DPP6: variants seen among roughly 807,000 people sequenced by gnomAD.
The protein encoded by DPP6 is A-type potassium channel modulatory protein DPP6.
DPP6 carries 69 observed loss-of-function variants against 122.6 expected under a neutral mutation model. That is an observed-to-expected ratio of 0.56 (90% CI 0.46 to 0.69). The LOEUF (loss-of-function observed/expected upper bound fraction) is 0.69, where lower values mean the gene tolerates loss of function less well. Among genes scored for constraint, DPP6 ranks in the 30% least tolerant of loss-of-function variants. DPP6 has a pLI of 0.00. For synonymous variants in DPP6, 418 were observed against 433.1 expected, an observed-to-expected ratio of 0.97 and a Z score of 0.43; for missense variants, 928 against 1,116.9, an observed-to-expected ratio of 0.83 and a Z score of 2.41.
intron 1 of DPP6, among the ~76,000 whole-genome samples, chr7:154,141,501 T>A (rs1389955182): frequency 1.3e-5 from 2 of 152,206 alleles, no homozygotes; most frequent in Admixed American, 6.5e-5. Context: ...GCTCAGTACA[T>A]ACCATTTGAA....
intron 1 of DPP6, among the ~76,000 whole-genome samples, chr7:154,098,380 G>T (rs1805485342): frequency 6.6e-6 from 1 of 152,266 alleles, no homozygotes; most frequent in South Asian, 2.1e-4. Flanking sequence ...CCCAGTATTA[G>T]GTATGTCTTT....
At chr7:154,080,289 G>A (rs1803893708) in intron 1 of DPP6, among the ~76,000 whole-genome samples, 1 of 152,044 alleles carries the variant, frequency 6.6e-6, no homozygotes, top group Non-Finnish European at 1.5e-5. Flanking sequence ...CTGCTCCCAG[G>A]TTCCTACTTA....
intron 18 of DPP6, among the ~76,000 whole-genome samples, chr7:154,869,429 G>C (rs1222729222): frequency 6.6e-6 from 1 of 152,274 alleles, no homozygotes; most frequent in Non-Finnish European, 1.5e-5. Flanking sequence ...AGAAGAGCAT[G>C]AGACTGGGCT....
intron 3 of DPP6, among the ~76,000 whole-genome samples, chr7:154,531,088 C>T (rs751976033): frequency 2.0e-5 from 3 of 152,128 alleles, no homozygotes; most frequent in Non-Finnish European, 2.9e-5. Context: ...CTGCAGCAAA[C>T]CACCTTTATA....
At chr7:153,778,065 G>T in the DPP6 span, among the ~76,000 whole-genome samples, 38 of 148,988 alleles carry the variant, frequency 2.6e-4, no homozygotes, top group Non-Finnish European at 4.0e-4. Flanking sequence ...AAGGCAAAAA[G>T]AATAGAGCAA....
intron 1 of DPP6, among the ~76,000 whole-genome samples, chr7:153,960,349 A>G (rs1795282937): frequency 6.6e-6 from 1 of 152,138 alleles, no homozygotes; most frequent in African/African-American, 2.4e-5. Flanking sequence ...GCATAATTTT[A>G]TAATTCAAAG....
the DPP6 span, among the ~76,000 whole-genome samples, chr7:153,880,213 T>C: frequency 6.6e-6 from 1 of 152,184 alleles, no homozygotes; most frequent in Non-Finnish European, 1.5e-5. Flanking sequence ...GTTTAGTAAG[T>C]CTATTGCTTT....
chr7:154,353,942 A>G (rs561447011), intron 1 of DPP6, among the ~76,000 whole-genome samples: 1 of 152,194 alleles, frequency 6.6e-6, no homozygotes, highest in Admixed American at 6.5e-5. Flanking sequence ...CTTAATGTCC[A>G]AGGAGAATTC....
At chr7:153,834,144 G>A in the DPP6 span, among the ~76,000 whole-genome samples, 4 of 151,938 alleles carry the variant, frequency 2.6e-5, no homozygotes, top group East Asian at 3.9e-4. Flanking sequence ...AAACTTAGCC[G>A]GGTGTGGCAG....
chr7:154,568,600 C>T (rs536532922), intron 5 of DPP6, among the ~76,000 whole-genome samples: 20 of 152,300 alleles, frequency 1.3e-4, no homozygotes, highest in African/African-American at 4.6e-4. Context: ...GGCTTCCCAG[C>T]GCTCTGTTTG....
chr7:154,693,289 C>G (rs529006950), intron 7 of DPP6, among the ~76,000 whole-genome samples: 6 of 152,074 alleles, frequency 3.9e-5, no homozygotes, highest in African/African-American at 1.4e-4. Flanking sequence ...GAAGGAAGGC[C>G]CTTACTATGA....
At chr7:154,738,441 C>G (rs532261759) in intron 8 of DPP6, among the ~76,000 whole-genome samples, 245 of 152,344 alleles carry the variant, frequency 1.6e-3, no homozygotes, top group Middle Eastern at 0.014. Context: ...CTGATTACAT[C>G]TGTACCCTGG....
chr7:154,399,213 G>T (rs62475099), intron 1 of DPP6, among the ~76,000 whole-genome samples: 1 of 152,116 alleles, frequency 6.6e-6, no homozygotes. Context: ...AAAGAGGGAA[G>T]GTTCCCCTCT....
chr7:154,789,741 CT>C (rs1563212585), intron 10 of DPP6, among the ~76,000 whole-genome samples: 1 of 152,184 alleles, frequency 6.6e-6, no homozygotes, highest in Non-Finnish European at 1.5e-5. Context: ...AAAAGTGTGA[CT>C]ACAAACCTTA....
chr7:154,044,639 T>G (rs1799929057), intron 1 of DPP6, among the ~76,000 whole-genome samples: 1 of 152,240 alleles, frequency 6.6e-6, no homozygotes, highest in Non-Finnish European at 1.5e-5. Context: ...TTGTAGATAT[T>G]TCCATTTGTA....
chr7:154,398,565 A>G (rs1468877901), intron 1 of DPP6, among the ~76,000 whole-genome samples: 3 of 151,970 alleles, frequency 2.0e-5, no homozygotes, highest in African/African-American at 2.4e-5. Flanking sequence ...TTTCTATTTT[A>G]TGGTCATATT....
intron 5 of DPP6, among the ~76,000 whole-genome samples, chr7:154,626,694 ATAAGTTAGTTTAT>A (rs1270208451): frequency 6.6e-6 from 1 of 152,242 alleles, no homozygotes; most frequent in Non-Finnish European, 1.5e-5. Context: ...AGTGACTACT[ATAAGTTAGTTTAT>A]TCCAGGAGGA....
At chr7:154,468,239 C>T (rs1329058094) in intron 2 of DPP6, among the ~76,000 whole-genome samples, 1 of 152,196 alleles carries the variant, frequency 6.6e-6, no homozygotes, top group Non-Finnish European at 1.5e-5. Flanking sequence ...ATTCCATCTA[C>T]ATTAAATGTC....
At chr7:154,194,996 C>A (rs115071799) in intron 1 of DPP6, among the ~76,000 whole-genome samples, 2 of 152,118 alleles carry the variant, frequency 1.3e-5, no homozygotes, top group Non-Finnish European at 2.9e-5. Flanking sequence ...ATTTTGATGA[C>A]GTCCAGTTTG....
Sources: allele counts gnomAD v4.1 joint callset (sites outside exome capture counted in the v4.1 genomes callset), GRCh38; gene constraint gnomAD v4.1.1; transcripts MANE v1.5; gene names NCBI Gene and HGNC (gene_info 2026-07-23, HGNC 2026-07-21).